PPP2R5C: variants seen among roughly 807,000 people sequenced by gnomAD.
PPP2R5C encodes the protein protein phosphatase 2 regulatory subunit B'gamma.
In PPP2R5C, 7 loss-of-function variants were observed where a neutral mutation model predicts 68.9. The observed-to-expected ratio is 0.10, with a 90% CI of 0.06 to 0.19. The LOEUF (loss-of-function observed/expected upper bound fraction) is 0.19. Among genes scored for constraint, PPP2R5C ranks in the 10% least tolerant of loss-of-function variants. The pLI, the probability that PPP2R5C is intolerant of heterozygous loss-of-function variation, is 1.00. For synonymous variants in PPP2R5C, 210 were observed against 222.2 expected, an observed-to-expected ratio of 0.95 and a Z score of 0.49; for missense variants, 348 against 641.3, an observed-to-expected ratio of 0.54 and a Z score of 4.94.
At chr14:101,842,194 T>G (rs2041517819) in intron 1 of PPP2R5C, among the ~76,000 whole-genome samples, 1 of 152,104 alleles carries the variant, frequency 6.6e-6, no homozygotes, top group Non-Finnish European at 1.5e-5. Context: ...TCTTCTCCAG[T>G]GGAAAAATGA....
At chr14:101,886,360 A>G (rs1447378372) in intron 5 of PPP2R5C, among the ~76,000 whole-genome samples, 1 of 152,190 alleles carries the variant, frequency 6.6e-6, no homozygotes, top group Non-Finnish European at 1.5e-5. Context: ...TTAGTATTCC[A>G]AAGTTATTAC....
chr14:101,848,687 G>A (rs930732030), intron 1 of PPP2R5C, among the ~76,000 whole-genome samples: 16 of 152,212 alleles, frequency 1.1e-4, no homozygotes, highest in East Asian at 1.9e-4. Flanking sequence ...TCGTGCAGCC[G>A]AATGTACCCC....
At chr14:101,855,576 T>C (rs2042374772) in intron 1 of PPP2R5C, among the ~76,000 whole-genome samples, 1 of 152,258 alleles carries the variant, frequency 6.6e-6, no homozygotes, top group Non-Finnish European at 1.5e-5. Flanking sequence ...TTGAATGGTG[T>C]TAACACTATT....
intron 1 of PPP2R5C, among the ~76,000 whole-genome samples, chr14:101,817,702 G>A (rs1056571863): frequency 5.0e-4 from 16 of 31,926 alleles, no homozygotes; most frequent in African/African-American, 4.3e-4. Flanking sequence ...CCCCCACCCC[G>A]CCCACCCCAG....
intron 6 of PPP2R5C, among the ~76,000 whole-genome samples, chr14:101,892,516 G>A (rs1001226390): frequency 6.6e-6 from 1 of 152,148 alleles, no homozygotes; most frequent in Non-Finnish European, 1.5e-5. Flanking sequence ...TGTAAACCCA[G>A]AATTTTTAAA....
intron 3 of PPP2R5C, among the ~76,000 whole-genome samples, chr14:101,787,564 C>T (rs796162887): frequency 6.4e-4 from 97 of 151,076 alleles, no homozygotes; most frequent in African/African-American, 2.2e-3. Context: ...GAGATCAAGA[C>T]CATCCTGGCT....
At position 101,835,060 on chromosome 14, in the gene PPP2R5C, G is replaced by GA. The variant is rs57762064; in HGVS notation, c.95-21616dup. 4.6e-4 allele frequency among the ~76,000 whole-genome samples: 69 copies of GA among 149,624 alleles called. No homozygotes were observed. The highest frequency in any genetic ancestry group is 1.3e-3 in the African/African-American group (53 of 40,806). On this transcript the variant is annotated intron_variant, in intron 1 of 13. Coordinates refer to ENST00000334743, the Ensembl canonical transcript of PPP2R5C. This position sits in a 1 kb window ranked among gnomAD's most constrained non-coding sequence, Gnocchi z 5.0. ...GTATTCAAAGCACATTCACAGTAAGGAAAAAAAAAATGCAGCCTGTGTCTT... is the reference window on the plus strand; with the variant it reads ...GTATTCAAAGCACATTCACAGTAAGGAAAAAAAAAAATGCAGCCTGTGTCTT...
chr14:101,919,128 C>G (rs1274888017), intron 13 of PPP2R5C, among the ~76,000 whole-genome samples: 5 of 152,248 alleles, frequency 3.3e-5, no homozygotes, highest in Non-Finnish European at 5.9e-5. Context: ...GACGCCATAT[C>G]CCCGGCTCCT....
intron 9 of PPP2R5C, among the ~76,000 whole-genome samples, chr14:101,904,793 G>A (rs1349251005): frequency 6.6e-6 from 1 of 152,232 alleles, no homozygotes; most frequent in Admixed American, 6.5e-5. Context: ...GCTGTGAGTT[G>A]TGTGCAGATG....
chr14:101,863,510 G>A (rs563494288), intron 2 of PPP2R5C, among the ~76,000 whole-genome samples: 2 of 152,254 alleles, frequency 1.3e-5, no homozygotes, highest in African/African-American at 4.8e-5. Flanking sequence ...GAGGAGTTTA[G>A]TAGGGGCCTA....
chr14:101,864,679 G>A (rs898454189), intron 2 of PPP2R5C, among the ~76,000 whole-genome samples: 1 of 152,146 alleles, frequency 6.6e-6, no homozygotes, highest in African/African-American at 2.4e-5. Flanking sequence ...GGGGAGGGGA[G>A]TGTTCCCAGC....
chr14:101,866,100 G>A (rs1314152676), intron 2 of PPP2R5C, among the ~76,000 whole-genome samples: 3 of 152,068 alleles, frequency 2.0e-5, no homozygotes, highest in Non-Finnish European at 2.9e-5. Context: ...TCACCATGTT[G>A]GCCAGGATGA....
intron 1 of PPP2R5C, among the ~76,000 whole-genome samples, chr14:101,822,086 C>CA (rs956593800): frequency 2.0e-4 from 27 of 138,272 alleles, no homozygotes; most frequent in African/African-American, 7.3e-4. Flanking sequence ...CCTGCCCCCC[C>CA]CCCACACACA....
At chr14:101,763,072 CTA>C (rs2036638535) in intron 2 of PPP2R5C, 102 bp downstream of exon 2, 1 of 1,033,190 alleles carries the variant, frequency 9.7e-7, no homozygotes, top group African/African-American at 1.6e-5. Flanking sequence ...AAATGTTTCC[CTA>C]TGTGAGGTTT....
rs55657834 is a variant in PPP2R5C, at chr14:101,911,883, C to CA, written c.1254-503dup. Reference sequence around the variant, plus strand: ...TGGGCGACAGAGTGAGGCCCTGTCTCAAAAAAAAAAAAAAACTTGGATCTG... The same window carrying CA: ...TGGGCGACAGAGTGAGGCCCTGTCTCAAAAAAAAAAAAAAAACTTGGATCTG... On this transcript the variant is annotated intron_variant, in intron 11 of 13. Transcript: ENST00000334743. Among the ~76,000 whole-genome samples the CA allele has an allele frequency of 6.5e-3, 805 of 124,564 alleles. 2 individuals are homozygous for CA. Among genetic ancestry groups the CA allele is most frequent in the African/African-American group, 0.012 (415 of 35,982 alleles). The allele number at this position is 124,564 out of a possible 152,430, so 81.7% of individuals were successfully genotyped here. A position where few individuals can be genotyped will look rare whatever the true frequency, so the allele number is the denominator to read the frequency against.
At position 101,825,021 on chromosome 14, in the gene PPP2R5C, A is replaced by G. The variant is rs2040309299; in HGVS notation, c.94+14985A>G. ...GTAGCATCCCTTTATGACTGATGAA[A>G]GGAGAGCAGCCGAGAGCAGTTAAGT... is the stretch of plus-strand genomic sequence containing the variant. On this transcript the variant is annotated intron_variant, in intron 1 of 13. Transcript: ENST00000334743. The surrounding 1 kb of genome is among the most constrained non-coding windows in gnomAD (Gnocchi z 4.0). 6.6e-6 allele frequency: 1 copy of G among 152,236 alleles called. No homozygotes were observed. The highest frequency in any genetic ancestry group is 6.5e-5 in the Admixed American group (1 of 15,282). 9.4% of individuals were successfully genotyped at this position (152,236 alleles called of 1,614,324 possible).
intron 1 of PPP2R5C, among the ~76,000 whole-genome samples, chr14:101,821,731 G>A (rs1016890031): frequency 1.3e-5 from 2 of 151,928 alleles, no homozygotes; most frequent in Admixed American, 6.6e-5. Flanking sequence ...GTTTTTCTGT[G>A]AATTTGGCTT....
chr14:101,827,499 T>A (rs972949565), intron 1 of PPP2R5C, among the ~76,000 whole-genome samples: 4 of 152,176 alleles, frequency 2.6e-5, no homozygotes, highest in Admixed American at 2.6e-4. Context: ...GGAGAACTAA[T>A]GGGCAGAGAC....
intron 1 of PPP2R5C, 48 bp downstream of exon 1, chr14:101,761,968 C>T: frequency 2.5e-6 from 3 of 1,183,944 alleles, no homozygotes; most frequent in Admixed American, 4.7e-5. Flanking sequence ...GAGGGACTGC[C>T]GGGGGAGGGC....
Sources: gnomAD v4.1 joint callset for allele counts (sites outside exome capture counted in the v4.1 genomes callset) on GRCh38, gnomAD v4.1.1 for gene constraint, Gnocchi (gnomAD v3.1) non-coding constraint, MANE v1.5 for transcripts, NCBI Gene and HGNC (gene_info 2026-07-23, HGNC 2026-07-21) for gene names.